NALF1: variants seen among roughly 807,000 people sequenced by gnomAD.
NALF1 encodes NALCN channel auxiliary factor 1.
NALF1 carries 3 observed loss-of-function variants against 48.4 expected under a neutral mutation model. That is an observed-to-expected ratio of 0.06 (90% CI 0.03 to 0.16). The LOEUF is 0.16. Among genes scored for constraint, NALF1 ranks in the 10% least tolerant of loss-of-function variants. NALF1 has a pLI of 1.00. For missense variants in NALF1, 526 were observed against 571.5 expected (o/e 0.92, Z 0.81); for synonymous variants, 262 against 245.7 (o/e 1.07, Z -0.62).
intron 1 of NALF1, among the ~76,000 whole-genome samples, chr13:107,811,294 C>G (rs1453955995): frequency 2.6e-5 from 4 of 152,118 alleles, no homozygotes; most frequent in Non-Finnish European, 1.5e-5. Flanking sequence ...GATGTTATTT[C>G]TCTTTTGTCC....
chr13:107,787,335 A>G (rs1177653038), intron 1 of NALF1, among the ~76,000 whole-genome samples: 1 of 152,232 alleles, frequency 6.6e-6, no homozygotes, highest in African/African-American at 2.4e-5. Flanking sequence ...TGAAAATATT[A>G]TCATCACAAT....
intron 1 of NALF1, among the ~76,000 whole-genome samples, chr13:107,513,812 A>G (rs957360337): frequency 6.6e-6 from 1 of 152,234 alleles, no homozygotes; most frequent in African/African-American, 2.4e-5. Context: ...TGAGCTGAAG[A>G]CAATTAAGGA....
At chr13:107,267,139 CT>C (rs1479420374) in intron 1 of NALF1, among the ~76,000 whole-genome samples, 3 of 152,230 alleles carry the variant, frequency 2.0e-5, no homozygotes, top group Non-Finnish European at 4.4e-5. Context: ...CTCCACCATG[CT>C]TTGTGCATTT....
At chr13:107,626,207 T>C (rs1475306024) in intron 1 of NALF1, among the ~76,000 whole-genome samples, 1 of 152,048 alleles carries the variant, frequency 6.6e-6, no homozygotes, top group Non-Finnish European at 1.5e-5. Flanking sequence ...ATAAAAGTTA[T>C]ATGCAAAACT....
At chr13:107,405,170 A>C (rs941410742) in intron 1 of NALF1, among the ~76,000 whole-genome samples, 1 of 152,038 alleles carries the variant, frequency 6.6e-6, no homozygotes, top group African/African-American at 2.4e-5. Context: ...TCCCCTCCCC[A>C]AAAATTGAGG....
chr13:107,558,106 T>C (rs1232435633), intron 1 of NALF1, among the ~76,000 whole-genome samples: 2 of 151,160 alleles, frequency 1.3e-5, no homozygotes, highest in Admixed American at 1.3e-4. Flanking sequence ...CTGAGATTTT[T>C]CCCTGAGAAT....
intron 1 of NALF1, among the ~76,000 whole-genome samples, chr13:107,636,399 G>A (rs1879977153): frequency 6.6e-6 from 1 of 152,132 alleles, no homozygotes. Flanking sequence ...TCACAATATG[G>A]AACATTTCTT....
intron 1 of NALF1, among the ~76,000 whole-genome samples, chr13:107,719,725 T>G (rs1401355839): frequency 2.0e-5 from 3 of 152,150 alleles, no homozygotes; most frequent in Non-Finnish European, 4.4e-5. Context: ...GTCTGTATTC[T>G]ACTCTCAAAG....
At chr13:107,223,718 T>C (rs1222807073) in intron 1 of NALF1, among the ~76,000 whole-genome samples, 1 of 152,206 alleles carries the variant, frequency 6.6e-6, no homozygotes, top group South Asian at 2.1e-4. Context: ...GAAGTTAGTA[T>C]AATACAGTGC....
intron 1 of NALF1, among the ~76,000 whole-genome samples, chr13:107,687,488 G>C (rs935139237): frequency 2.3e-5 from 2 of 87,606 alleles, no homozygotes; most frequent in Non-Finnish European, 4.9e-5. Flanking sequence ...GAAAGAAATT[G>C]ATCCAGTGCA....
At chr13:107,244,537 T>C (rs932202372) in intron 1 of NALF1, among the ~76,000 whole-genome samples, 4 of 152,214 alleles carry the variant, frequency 2.6e-5, no homozygotes, top group African/African-American at 9.6e-5. Flanking sequence ...AAAGAAATCC[T>C]CTGTGTCAAT....
At chr13:107,547,012 G>A (rs927130150) in intron 1 of NALF1, among the ~76,000 whole-genome samples, 1 of 152,192 alleles carries the variant, frequency 6.6e-6, no homozygotes, top group African/African-American at 2.4e-5. Flanking sequence ...TCATTTGCAA[G>A]TGGAGATAAT....
intron 1 of NALF1, among the ~76,000 whole-genome samples, chr13:107,370,298 C>T (rs1426509026): frequency 6.6e-6 from 1 of 152,332 alleles, no homozygotes; most frequent in South Asian, 2.1e-4. Context: ...ATACATCCTT[C>T]CCGCCCCAAA....
intron 1 of NALF1, among the ~76,000 whole-genome samples, chr13:107,538,829 T>C (rs1360325152): frequency 6.6e-6 from 1 of 152,160 alleles, no homozygotes; most frequent in Non-Finnish European, 1.5e-5. Context: ...ATAGATAATA[T>C]TTATAAACGG....
intron 1 of NALF1, among the ~76,000 whole-genome samples, chr13:107,836,585 G>A (rs115652053): frequency 0.011 from 1,630 of 152,034 alleles, 29 homozygotes; most frequent in African/African-American, 0.034. Flanking sequence ...TTAGGAAAAT[G>A]GAAATATTTT....
chr13:107,175,588 A>G (rs1207239921), intron 2 of NALF1, among the ~76,000 whole-genome samples: 2 of 152,144 alleles, frequency 1.3e-5, no homozygotes, highest in Non-Finnish European at 2.9e-5. Context: ...TTTTTTCTAC[A>G]TCATTCTTCT....
At chr13:107,541,647 T>A (rs1877002699) in intron 1 of NALF1, among the ~76,000 whole-genome samples, 3 of 152,098 alleles carry the variant, frequency 2.0e-5, no homozygotes, top group African/African-American at 7.2e-5. Flanking sequence ...GTGATATATG[T>A]GTGTGTGTGC....
chr13:107,704,126 A>G (rs191456540), intron 1 of NALF1, among the ~76,000 whole-genome samples: 6 of 152,280 alleles, frequency 3.9e-5, no homozygotes, highest in African/African-American at 1.4e-4. Flanking sequence ...CAGCTTTTTA[A>G]AGAAATTTTT....
intron 1 of NALF1, among the ~76,000 whole-genome samples, chr13:107,379,440 G>C (rs1409656441): frequency 6.6e-6 from 1 of 152,140 alleles, no homozygotes; most frequent in African/African-American, 2.4e-5. Context: ...TTTACTAATA[G>C]GATGTTTCCT....
Sources: gnomAD v4.1 joint callset for allele counts (sites outside exome capture counted in the v4.1 genomes callset) on GRCh38, gnomAD v4.1.1 for gene constraint, MANE v1.5 for transcripts, NCBI Gene and HGNC (gene_info 2026-07-23, HGNC 2026-07-21) for gene names.